The following VAX2 variants were observed in gnomAD, a reference collection of about 807,000 sequenced individuals.
VAX2 encodes ventral anterior homeobox 2.
Under a neutral mutation model 12.5 loss-of-function variants are expected in VAX2, and 8 were observed. That is an observed-to-expected ratio of 0.64 (90% CI 0.37 to 1.15). The LOEUF is 1.15. Ranked by LOEUF, VAX2 falls within the 50% of genes most tolerant of loss-of-function variation. The probability of loss-of-function intolerance (pLI) is 0.01; values close to 1 mark genes in which losing one functional copy is unlikely to be tolerated. For synonymous variants in VAX2, 183 were observed against 187.6 expected, an observed-to-expected ratio of 0.98 and a Z score of 0.20; for missense variants, 476 against 412.9, an observed-to-expected ratio of 1.15 and a Z score of -1.32.
intron 1 of VAX2, among the ~76,000 whole-genome samples, chr2:70,911,371 T>C (rs1461687231): frequency 7.2e-5 from 11 of 152,166 alleles, no homozygotes; most frequent in African/African-American, 2.4e-4. Flanking sequence ...ATTCAGCTTT[T>C]CCCCCTTTTC....
intron 2 of VAX2, among the ~76,000 whole-genome samples, chr2:70,926,717 T>C (rs1679581187): frequency 6.6e-6 from 1 of 152,142 alleles, no homozygotes; most frequent in Non-Finnish European, 1.5e-5. Context: ...CACTGGCTTA[T>C]GGAAAAGTGA....
intron 2 of VAX2, among the ~76,000 whole-genome samples, chr2:70,928,183 G>A (rs1330829483): frequency 6.6e-6 from 1 of 152,226 alleles, no homozygotes; most frequent in East Asian, 1.9e-4. Context: ...TACCCGCTAG[G>A]GCCTGAAGGG....
chr2:70,922,298 G>T (rs1679477424), intron 2 of VAX2, among the ~76,000 whole-genome samples: 1 of 152,190 alleles, frequency 6.6e-6, no homozygotes. Context: ...AAGGGAGGAG[G>T]GGAATGCGGA....
rs1295903755 is a variant in VAX2, at chr2:70,904,098, C to T, written c.247+3230C>T. On this transcript the variant is annotated intron_variant, in intron 1 of 2. Transcript: ENST00000234392. The surrounding 1 kb of genome is among the most constrained non-coding windows in gnomAD (Gnocchi z 4.2). ...GGCGCATAACAGGCACCCCGCACAT[C>T]GCACCGCGGACGCAGCGATCCTCCC... Among the ~76,000 whole-genome samples the T allele has an allele frequency of 6.6e-6, 1 of 152,212 alleles. No individual in the cohort carries two copies. Among genetic ancestry groups the T allele is most frequent in the Admixed American group, 6.5e-5 (1 of 15,284 alleles).
At chr2:70,913,676 AAAATAAATAAATAAAT>A (rs70956996) in intron 1 of VAX2, among the ~76,000 whole-genome samples, 84,654 of 148,158 alleles carry the variant, frequency 0.57, 24,510 homozygotes, top group African/African-American at 0.66. Flanking sequence ...ACTCCGACTC[AAAATAAATAAATAAAT>A]AAATAAATAA....
chr2:70,902,497 G>T lies in VAX2; in HGVS notation c.247+1629G>T, dbSNP rs1202457056. Among the ~76,000 whole-genome samples the T allele has an allele frequency of 3.3e-5, 5 of 152,218 alleles. No individual in the cohort carries two copies. In the East Asian group the frequency reaches 9.6e-4, roughly 29 times the overall value. ...TAAAAATATCTGTAGGACTGCCAGA[G>T]AAATCAGTCCTCCAATCCCACACAT... On this transcript the variant is annotated intron_variant, in intron 1 of 2. Transcript: ENST00000234392.
chr2:70,900,931 G>A (rs1208391287), intron 1 of VAX2, 63 bp downstream of exon 1: 18 of 1,272,508 alleles, frequency 1.4e-5, no homozygotes, highest in Non-Finnish European at 1.6e-5. Context: ...TGGGGCCCCC[G>A]ACCTAGCTGC....
intron 1 of VAX2, among the ~76,000 whole-genome samples, chr2:70,907,874 C>T (rs1679095388): frequency 6.6e-6 from 1 of 152,194 alleles, no homozygotes; most frequent in African/African-American, 2.4e-5. Context: ...GGCTGTTTTG[C>T]AATTTACCAT....
chr2:70,906,520 C>CTTTTTTTTTTTTTTTTTTT lies in VAX2; in HGVS notation c.247+5660_247+5678dup, dbSNP rs869309305. Among the ~76,000 whole-genome samples the CTTTTTTTTTTTTTTTTTTT allele has an allele frequency of 9.9e-5, 6 of 60,594 alleles. 1 individual carries two copies. Among genetic ancestry groups the CTTTTTTTTTTTTTTTTTTT allele is most frequent in the South Asian group, 9.2e-4 (1 of 1,084 alleles). The allele number at this position is 60,594 out of a possible 152,430, so 39.8% of individuals were successfully genotyped here. On this transcript the variant is annotated intron_variant, in intron 1 of 2. Coordinates refer to ENST00000234392, the MANE Select transcript of VAX2 (RefSeq NM_012476.3). ...CTTTCTTTTTTTTTCTTTTCTTTTC[C>CTTTTTTTTTTTTTTTTTTT]TTTTTTTTTTTTTTTTTTTTTTTTT... is the stretch of plus-strand genomic sequence containing the variant.
At chr2:70,913,983 C>T (rs1212254210) in intron 1 of VAX2, among the ~76,000 whole-genome samples, 1 of 152,158 alleles carries the variant, frequency 6.6e-6, no homozygotes, top group African/African-American at 2.4e-5. Flanking sequence ...TCAATTATTA[C>T]ATGGTATTTT....
intron 1 of VAX2, among the ~76,000 whole-genome samples, chr2:70,916,221 G>A (rs554949392): frequency 1.1e-4 from 17 of 152,142 alleles, no homozygotes; most frequent in African/African-American, 2.2e-4. Context: ...TTATAGACTC[G>A]CAAGGAGTTA....
rs782406661 is a variant in VAX2, at chr2:70,921,228, T to G, written c.378T>G (p.Tyr126Ter). The G allele has an allele frequency of 1.8e-5, 29 of 1,613,418 alleles. No homozygotes were observed. The South Asian group carries it at 2.9e-4, about 16-fold the overall frequency. ...AGATGGAGTTCCAGCGCTGCCAGTATGTGGTGGGCCGCGAGCGCACTGAGC... is the reference window on the plus strand; with the variant it reads ...AGATGGAGTTCCAGCGCTGCCAGTAGGTGGTGGGCCGCGAGCGCACTGAGC... ...RLEMEFQRCQYVVGRERTELA... is the reference protein window; with the variant it reads ...RLEMEFQRCQ The change falls in exon 2 of 3, where the codon TAT becomes TAG. Residue 126 changes from tyrosine (Y) to a stop codon, truncating the protein, a stop_gained. Coordinates refer to ENST00000234392, the MANE Select transcript of VAX2 (RefSeq NM_012476.3). LOFTEE classifies it high-confidence loss of function.
intron 1 of VAX2, among the ~76,000 whole-genome samples, chr2:70,915,682 G>A (rs1368056400): frequency 6.6e-6 from 1 of 152,084 alleles, no homozygotes; most frequent in African/African-American, 2.4e-5. Context: ...TTTATGGAGC[G>A]AGATAGGAAT....
In VAX2 at chr2:70,933,231, C is replaced by T. The variant is rs782418713; in HGVS notation, c.*27C>T. ...ACTCCCACCCTGTGACACTGAGTCC[C>T]GAGCACAGCACCTTCCCAGTCTCCT... On this transcript the variant is annotated 3_prime_UTR_variant, in exon 3 of 3. Transcript: ENST00000234392. 3.1e-5 allele frequency: 46 copies of T among 1,488,984 alleles called. No individual in the cohort carries two copies. Among genetic ancestry groups the T allele is most frequent in the Non-Finnish European group, 3.8e-5 (43 of 1,118,856 alleles). 92.2% of individuals were successfully genotyped at this position (1,488,984 alleles called of 1,614,324 possible).
In VAX2 at chr2:70,933,089, C is replaced by A. The variant is rs781962814; in HGVS notation, c.758C>A (p.Ala253Asp). 3 of 1,610,180 alleles carry A rather than the reference C, an allele frequency of 1.9e-6. No homozygotes were observed. The highest frequency in any genetic ancestry group is 2.5e-6 in the Non-Finnish European group (3 of 1,178,446). ...PPLPAVCFSS[A>D]PLLDLPAGYE... ...CTGCCAGCTGTCTGCTTTTCCTCGG[C>A]CCCGCTCCTGGATCTGCCTGCCGGC... Residue 253 changes from alanine to aspartate, a missense_variant, in exon 3 of 3, where the codon GCC becomes GAC. Physicochemically the swap from Ala to Asp is moderately radical, Grantham distance 126. Transcript: ENST00000234392.
intron 1 of VAX2, among the ~76,000 whole-genome samples, chr2:70,905,872 G>A (rs1032191417): frequency 1.3e-5 from 2 of 152,190 alleles, no homozygotes. Context: ...GCGCAGCACC[G>A]GTAAGGAGAG....
At chr2:70,918,930 G>A (rs1351928473) in intron 1 of VAX2, among the ~76,000 whole-genome samples, 5 of 148,090 alleles carry the variant, frequency 3.4e-5, no homozygotes, top group Admixed American at 2.7e-4. Flanking sequence ...GGAGGCGGGC[G>A]CAGTGGTTCA....
chr2:70,907,532 GCTGGAGA>G lies in VAX2; in HGVS notation c.247+6666_247+6672del, dbSNP rs1448121888. ...GACGCCACGGTTTCTTTAGCGTCTT[GCTGGAGA>G]CATTGACTTTCAGAGCCCCTGTCCC... is the stretch of plus-strand genomic sequence containing the variant. On this transcript the variant is annotated intron_variant, in intron 1 of 2. Transcript: ENST00000234392. Among the ~76,000 whole-genome samples, 5 of 152,212 alleles carry G rather than the reference GCTGGAGA, an allele frequency of 3.3e-5. No individual in the cohort carries two copies. The East Asian group carries it at 7.7e-4, about 23-fold the overall frequency.
intron 1 of VAX2, among the ~76,000 whole-genome samples, chr2:70,908,902 CT>C (rs1679123808): frequency 6.6e-6 from 1 of 152,216 alleles, no homozygotes; most frequent in Non-Finnish European, 1.5e-5. Context: ...CCCCTTTGCC[CT>C]GTCCCCACAC....
Sources: allele counts gnomAD v4.1 joint callset (sites outside exome capture counted in the v4.1 genomes callset), GRCh38; gene constraint gnomAD v4.1.1; non-coding constraint Gnocchi (gnomAD v3.1); transcripts MANE v1.5; gene names NCBI Gene and HGNC (gene_info 2026-07-23, HGNC 2026-07-21).